Variants in FANCM observed in about 807,000 individuals in gnomAD.
FANCM encodes FA complementation group M, also known as Fanconi anemia group M protein.
FANCM carries 140 observed loss-of-function variants against 199.5 expected under a neutral mutation model. The observed-to-expected ratio is 0.70, with a 90% CI of 0.61 to 0.81. FANCM has a LOEUF of 0.81. Among genes scored for constraint, FANCM ranks in the 30% least tolerant of loss-of-function variants. FANCM has a pLI of 0.00. For synonymous variants in FANCM, 840 were observed against 836.8 expected (o/e 1.00, Z -0.07); for missense variants, 2,410 against 2,421.4 (o/e 1.00, Z 0.10).
intron 14 of FANCM, 104 bp from the exon 15 acceptor site, chr14:45,181,325 GA>G: frequency 1.5e-6 from 1 of 668,640 alleles, no homozygotes; most frequent in Non-Finnish European, 2.6e-6. Flanking sequence ...TAAATGTTGA[GA>G]TTGCGTGAAA....
At chr14:45,162,232 A>G (rs535246084) in intron 9 of FANCM, among the ~76,000 whole-genome samples, 1 of 152,346 alleles carries the variant, frequency 6.6e-6, no homozygotes, top group East Asian at 1.9e-4. Context: ...CTGAAAATAC[A>G]AAAATTAGCC....
intron 10 of FANCM, among the ~76,000 whole-genome samples, chr14:45,166,030 CTT>C (rs1445636048): frequency 1.3e-5 from 2 of 151,756 alleles, no homozygotes; most frequent in South Asian, 4.1e-4. Context: ...AAATATCAGT[CTT>C]TTTTAAAAAC....
chr14:45,176,001 T>C lies in FANCM; in HGVS notation c.3247T>C (p.Cys1083Arg), dbSNP rs1594798970. Residue 1083 changes from cysteine (C) to arginine (R), a missense_variant, in exon 14 of 23, where the codon TGT becomes CGT. Physicochemically the swap from Cys to Arg is radical, Grantham distance 180. Transcript: ENST00000267430. ...TTCTGATGAGCCAAGTCTCTGTGAC[T>C]GTGATGTACATAAACATAATCAAAA... ...NISDEPSLCD[C>R]DVHKHNQNEN... 5.6e-6 allele frequency: 9 copies of C among 1,613,810 alleles called. No homozygotes were observed. Among genetic ancestry groups the C allele is most frequent in the Non-Finnish European group, 6.8e-6 (8 of 1,179,732 alleles).
rs537050294 is a variant in FANCM, at chr14:45,135,931, C to T, written c.-101C>T. The T allele has an allele frequency of 6.7e-5, 88 of 1,316,926 alleles. No homozygotes were observed. In the African/African-American group the frequency reaches 1.0e-3, roughly 15 times the overall value. The allele number at this position is 1,316,926 out of a possible 1,614,324, so 81.6% of individuals were successfully genotyped here. A position where few individuals can be genotyped will look rare whatever the true frequency, so the allele number is the denominator to read the frequency against. On this transcript the variant is annotated 5_prime_UTR_variant, in exon 1 of 23. Coordinates refer to ENST00000267430, the MANE Select transcript of FANCM (RefSeq NM_020937.4). ...TGGCCTTAGTCCCGCCTTCTCGTTC[C>T]AGAGTTTTGTGCGAAGGAAACCGAT...
intron 20 of FANCM, among the ~76,000 whole-genome samples, chr14:45,194,918 G>C: frequency 6.7e-6 from 1 of 150,248 alleles, no homozygotes; most frequent in East Asian, 2.0e-4. Flanking sequence ...CCAGATAATT[G>C]TTGTATTTTT....
In FANCM at chr14:45,154,795, G is replaced by T; in HGVS notation, c.1282G>T (p.Ala428Ser). 1 of 1,607,740 alleles carries T rather than the reference G, an allele frequency of 6.2e-7. No homozygotes were observed. The highest frequency in any genetic ancestry group is 8.5e-7 in the Non-Finnish European group (1 of 1,175,854). The part of the protein sequence containing the change: ...CMFARTRSTS[A>S]NGISAIQQGD... ...GTTTGCACGTACACGTAGTACTTCA[G>T]CAAATGGTATTTCTGCTATCCAACA... is the stretch of plus-strand genomic sequence containing the variant. Residue 428 changes from alanine to serine, a missense_variant, in exon 7 of 23, where the codon GCA becomes TCA. Transcript: ENST00000267430.
Position 45,198,912 on chromosome 14 carries a change from A to C in FANCM, c.5985A>C (p.Ser1995=). The C allele has an allele frequency of 1.2e-6, 2 of 1,610,368 alleles. No individual in the cohort carries two copies. Among genetic ancestry groups the C allele is most frequent in the South Asian group, 1.1e-5 (1 of 90,868 alleles). ...ITALNMCHQF[S]SVKRMANSSL... ...CATTAAATATGTGTCACCAGTTTTC[A>C]TCTGTGAAAAGGATGGCTAACAGGT... Residue 1995 remains serine (S), a synonymous_variant, in exon 22 of 23, where the codon TCA becomes TCC. Transcript: ENST00000267430.
At chr14:45,152,065 A>G (rs998854765) in intron 5 of FANCM, among the ~76,000 whole-genome samples, 16 of 146,664 alleles carry the variant, frequency 1.1e-4, no homozygotes, top group African/African-American at 2.8e-4. Context: ...ATTTCGCTCT[A>G]TTGCCCAAGC....
chr14:45,136,166 A>C lies in FANCM; in HGVS notation c.135A>C (p.Ala45=). 2 of 1,614,202 alleles carry C rather than the reference A, an allele frequency of 1.2e-6. No individual in the cohort carries two copies. Among genetic ancestry groups the C allele is most frequent in the South Asian group, 1.1e-5 (1 of 91,084 alleles). ...GCTCCAAGGCGCCTTTGCCAGCAGCAGCGGAGGCTCAGCTGGAGTCGGACG... is the reference window on the plus strand; with the variant it reads ...GCTCCAAGGCGCCTTTGCCAGCAGCCGCGGAGGCTCAGCTGGAGTCGGACG... ...PGSSKAPLPA[A]AEAQLESDDD... The change falls in exon 1 of 23, where the codon GCA becomes GCC. Residue 45 remains alanine (A), a synonymous_variant. Coordinates refer to ENST00000267430, the MANE Select transcript of FANCM (RefSeq NM_020937.4).
intron 5 of FANCM, among the ~76,000 whole-genome samples, chr14:45,152,432 A>C (rs1015934362): frequency 1.3e-5 from 2 of 152,198 alleles, no homozygotes; most frequent in African/African-American, 4.8e-5. Flanking sequence ...AATTTTAGAC[A>C]CAGAACATTT....
In FANCM at chr14:45,148,951, C is replaced by A. The variant is rs142747831; in HGVS notation, c.874C>A (p.Pro292Thr). ...AAGAAAAGTTGAAAAGCTTATTGTT[C>A]CGCTTGGTGAAGAACTTGCAGCCAT... The part of the protein sequence containing the change: ...HERKVEKLIV[P>T]LGEELAAIQK... Residue 292 changes from proline to threonine, a missense_variant, in exon 4 of 23, where the codon CCG becomes ACG. By Grantham distance (38) the Pro-to-Thr change is conservative. Transcript: ENST00000267430. 3.0e-5 allele frequency: 49 copies of A among 1,613,674 alleles called. No individual in the cohort carries two copies. The highest frequency in any genetic ancestry group is 4.2e-5 in the Non-Finnish European group (49 of 1,179,824).
chr14:45,152,082 G>GGAGGACGAAATAGGTTGGAAGTTTCTGAT (rs1886864632), intron 5 of FANCM, among the ~76,000 whole-genome samples: 1 of 149,078 alleles, frequency 6.7e-6, no homozygotes, highest in African/African-American at 2.5e-5. Context: ...AAGCCGGTGT[G>GGAGGACGAAATAGGTTGGAAGTTTCTGAT]CAGTGGTGTG....
Position 45,189,230 on chromosome 14 carries a change from G to A in FANCM, c.5208G>A (p.Leu1736=), listed in dbSNP as rs746368298. ...PLAKQSKQTS[L]NLKDTISEVS... is the part of the protein sequence containing the mutation. ...CAAAGCAGAGCAAACAGACATCGCT[G>A]AATTTAAAGGATACAATTTCCGAAG... Residue 1736 remains leucine (L), a synonymous_variant, in exon 20 of 23, where the codon CTG becomes CTA. Transcript: ENST00000267430. 5 of 1,614,086 alleles carry A rather than the reference G, an allele frequency of 3.1e-6. No homozygotes were observed. In the Admixed American group the frequency reaches 8.3e-5, roughly 27 times the overall value.
chr14:45,186,843 A>G (rs1233825626), intron 18 of FANCM, among the ~76,000 whole-genome samples: 1 of 152,238 alleles, frequency 6.6e-6, no homozygotes, highest in Non-Finnish European at 1.5e-5. Flanking sequence ...CAGCCAGATC[A>G]TAATCTGACA....
At position 45,137,172 on chromosome 14, in the gene FANCM, C is replaced by A. The variant is rs756918417; in HGVS notation, c.612C>A (p.Pro204=). The change falls in exon 2 of 23, where the codon CCC becomes CCA. Residue 204 remains proline, a synonymous_variant. Coordinates refer to ENST00000267430, the MANE Select transcript of FANCM (RefSeq NM_020937.4). ...ATGACCTTTCTAGAGGAGCTTGTCC[C>A]GCTGCTGAAATAAAGTGTTTAGTTA... ...MVNDLSRGAC[P]AAEIKCLVID... 6.2e-7 allele frequency: 1 copy of A among 1,613,686 alleles called. No homozygotes were observed. The highest frequency in any genetic ancestry group is 2.2e-5 in the East Asian group (1 of 44,852).
At position 45,176,604 on chromosome 14, in the gene FANCM, G is replaced by A. The variant is rs2139251646; in HGVS notation, c.3850G>A (p.Asp1284Asn). The change falls in exon 14 of 23, where the codon GAT becomes AAT. Residue 1284 changes from aspartate to asparagine, a missense_variant. Physicochemically the swap from Asp to Asn is conservative, Grantham distance 23. Coordinates refer to ENST00000267430, the MANE Select transcript of FANCM (RefSeq NM_020937.4). ...TTCGAATCAAGCACTAATACCAAGAGATCATAGTAAAAATTTTACTAGTGG... is the reference window on the plus strand; with the variant it reads ...TTCGAATCAAGCACTAATACCAAGAAATCATAGTAAAAATTTTACTAGTGG... ...YVSNQALIPR[D>N]HSKNFTSGTV... The A allele has an allele frequency of 1.2e-6, 2 of 1,610,322 alleles. No individual in the cohort carries two copies. Among genetic ancestry groups the A allele is most frequent in the Non-Finnish European group, 1.7e-6 (2 of 1,178,542 alleles).
At chr14:45,159,991 G>GT (rs920256728) in intron 9 of FANCM, among the ~76,000 whole-genome samples, 89 of 138,404 alleles carry the variant, frequency 6.4e-4, no homozygotes, top group Admixed American at 2.6e-3. Flanking sequence ...AGTAGATGAG[G>GT]TTTTTTTTTT....
At position 45,175,710 on chromosome 14, in the gene FANCM, G is replaced by C; in HGVS notation, c.2956G>C (p.Val986Leu). 2.5e-6 allele frequency: 4 copies of C among 1,613,678 alleles called. No individual in the cohort carries two copies. Among genetic ancestry groups the C allele is most frequent in the Non-Finnish European group, 3.4e-6 (4 of 1,179,800 alleles). Residue 986 changes from valine (V) to leucine (L), a missense_variant, in exon 14 of 23, where the codon GTA becomes CTA. Coordinates refer to ENST00000267430, the MANE Select transcript of FANCM (RefSeq NM_020937.4). ...FYNCHSLTKE[V>L]LANVERFLSY... is the part of the protein sequence containing the mutation. ...TAATTGTCACTCATTGACAAAAGAG[G>C]TACTAGCTAATGTAGAGAGATTTTT...
At chr14:45,164,630 T>C (rs760406397) in intron 10 of FANCM, 65 bp downstream of exon 10, 13 of 1,230,946 alleles carry the variant, frequency 1.1e-5, no homozygotes, top group Non-Finnish European at 1.5e-5. Flanking sequence ...CAAAGGTGAA[T>C]ATCAACATGT....
Sources: gnomAD v4.1 joint callset for allele counts (sites outside exome capture counted in the v4.1 genomes callset) on GRCh38, gnomAD v4.1.1 for gene constraint, MANE v1.5 for transcripts, NCBI Gene and HGNC (gene_info 2026-07-23, HGNC 2026-07-21) for gene names.